The following MAST4 variants were observed in gnomAD, a reference collection of about 807,000 sequenced individuals.
MAST4 encodes microtubule-associated serine/threonine-protein kinase 4.
A neutral mutation model predicts 162.7 loss-of-function variants in MAST4; 89 were observed. That is an observed-to-expected ratio of 0.55 (90% CI 0.46 to 0.65). The LOEUF (loss-of-function observed/expected upper bound fraction) is 0.65. MAST4 is among the 30% of genes least tolerant of loss of function. The pLI, the probability that MAST4 is intolerant of heterozygous loss-of-function variation, is 0.00. For missense variants in MAST4, 3,153 were observed against 3,374.0 expected (o/e 0.93, Z 1.62); for synonymous variants, 1,479 against 1,361.1 (o/e 1.09, Z -1.91).
intron 1 of MAST4, among the ~76,000 whole-genome samples, chr5:66,751,035 C>G (rs895634041): frequency 3.4e-4 from 51 of 152,136 alleles, no homozygotes; most frequent in Middle Eastern, 6.9e-3. Context: ...AGCAGGGGCA[C>G]ACTGACATCT....
intron 5 of MAST4, among the ~76,000 whole-genome samples, chr5:67,082,591 T>G (rs983607991): frequency 2.0e-5 from 3 of 152,152 alleles, no homozygotes; most frequent in African/African-American, 4.8e-5. Flanking sequence ...TAAAGGACAT[T>G]ATTTGGACAA....
chr5:66,705,114 G>A (rs769350589), intron 1 of MAST4, among the ~76,000 whole-genome samples: 7 of 152,158 alleles, frequency 4.6e-5, no homozygotes, highest in Non-Finnish European at 1.0e-4. Context: ...GAAATGTCCC[G>A]TAAGCCATCT....
At chr5:67,158,439 G>A (rs545026966) in intron 26 of MAST4, among the ~76,000 whole-genome samples, 1 of 152,074 alleles carries the variant, frequency 6.6e-6, no homozygotes, top group African/African-American at 2.4e-5. Context: ...AGCCGTGGTT[G>A]TGTGCTCCCG....
intron 3 of MAST4, among the ~76,000 whole-genome samples, chr5:66,809,305 G>A (rs1322239862): frequency 6.6e-6 from 1 of 152,188 alleles, no homozygotes; most frequent in Non-Finnish European, 1.5e-5. Flanking sequence ...CTTGCCACAT[G>A]TCACTTTTCT....
In MAST4 at chr5:66,713,727, G is replaced by A. The variant is rs551140216; in HGVS notation, c.364-45982G>A. ...TGATGCTTTTATTAGTATATTAGTTGTCAGTATTTATCTCTTTCCGCAATG... is the reference window on the plus strand; with the variant it reads ...TGATGCTTTTATTAGTATATTAGTTATCAGTATTTATCTCTTTCCGCAATG... On this transcript the variant is annotated intron_variant, in intron 1 of 28. Transcript: ENST00000403625. Among the ~76,000 whole-genome samples, 9 of 152,238 alleles carry A rather than the reference G, an allele frequency of 5.9e-5. No individual in the cohort carries two copies. The South Asian group carries it at 1.9e-3, about 32-fold the overall frequency.
chr5:66,718,777 A>G (rs546836508), intron 1 of MAST4, among the ~76,000 whole-genome samples: 1 of 152,214 alleles, frequency 6.6e-6, no homozygotes, highest in Non-Finnish European at 1.5e-5. Flanking sequence ...TGTATCATGC[A>G]TTCGAGGGCT....
At chr5:66,892,072 C>G (rs759814177) in intron 3 of MAST4, among the ~76,000 whole-genome samples, 1 of 152,220 alleles carries the variant, frequency 6.6e-6, no homozygotes, top group Non-Finnish European at 1.5e-5. Context: ...AAGCCCTGAG[C>G]AAACATCATT....
intron 4 of MAST4, among the ~76,000 whole-genome samples, chr5:66,946,557 T>C (rs1301507902): frequency 6.6e-6 from 1 of 152,200 alleles, no homozygotes; most frequent in East Asian, 1.9e-4. Flanking sequence ...ATTCAGTATA[T>C]TGCTGCTCTG....
chr5:66,669,180 G>A (rs1032259579), intron 1 of MAST4, among the ~76,000 whole-genome samples: 3 of 152,142 alleles, frequency 2.0e-5, no homozygotes, highest in Non-Finnish European at 4.4e-5. Flanking sequence ...AGTTTTCAGG[G>A]AAGCTGAAAC....
chr5:66,932,258 G>A (rs1254438698), intron 4 of MAST4, among the ~76,000 whole-genome samples: 1 of 152,252 alleles, frequency 6.6e-6, no homozygotes, highest in Non-Finnish European at 1.5e-5. Context: ...TCCCAATTGG[G>A]CATGGAGAGA....
chr5:66,975,262 A>G (rs1301651621), intron 4 of MAST4, among the ~76,000 whole-genome samples: 1 of 152,140 alleles, frequency 6.6e-6, no homozygotes, highest in Non-Finnish European at 1.5e-5. Context: ...ATATATCTCT[A>G]TTGTTTTAAG....
chr5:66,953,631 AT>A (rs1425944559), intron 4 of MAST4, among the ~76,000 whole-genome samples: 2 of 152,110 alleles, frequency 1.3e-5, no homozygotes, highest in African/African-American at 4.8e-5. Flanking sequence ...CCGAGAAGAA[AT>A]GTGGCATGAG....
intron 3 of MAST4, among the ~76,000 whole-genome samples, chr5:66,800,542 G>C (rs913697859): frequency 4.6e-5 from 7 of 152,108 alleles, no homozygotes; most frequent in African/African-American, 1.7e-4. Context: ...GGGCCTGCTT[G>C]AGGGTGGAGG....
intron 1 of MAST4, among the ~76,000 whole-genome samples, chr5:66,664,775 G>A (rs529650075): frequency 2.3e-4 from 35 of 152,034 alleles, no homozygotes; most frequent in African/African-American, 8.0e-4. Context: ...TAAACTATCA[G>A]TATGTTCAAT....
At chr5:66,608,814 C>T (rs866616336) in intron 1 of MAST4, among the ~76,000 whole-genome samples, 40 of 69,524 alleles carry the variant, frequency 5.8e-4, no homozygotes, top group Non-Finnish European at 9.2e-4. Context: ...AAGCGGGGGG[C>T]GGGGGGGAGA....
chr5:66,744,189 T>C (rs1292119848), intron 1 of MAST4, among the ~76,000 whole-genome samples: 1 of 152,184 alleles, frequency 6.6e-6, no homozygotes, highest in African/African-American at 2.4e-5. Context: ...CTCTTACCAT[T>C]TGCCAGTTGC....
At chr5:67,156,292 A>G (rs1480729171) in intron 26 of MAST4, among the ~76,000 whole-genome samples, 1 of 152,172 alleles carries the variant, frequency 6.6e-6, no homozygotes, top group Non-Finnish European at 1.5e-5. Context: ...GGAGTATAAG[A>G]TGATTTGCAC....
chr5:67,032,722 A>G (rs1755504387), intron 4 of MAST4, among the ~76,000 whole-genome samples: 1 of 152,166 alleles, frequency 6.6e-6, no homozygotes, highest in Non-Finnish European at 1.5e-5. Flanking sequence ...ATGATTATTT[A>G]CCATAGACTT....
At chr5:67,154,576 C>A (rs1453995839) in intron 26 of MAST4, among the ~76,000 whole-genome samples, 1 of 152,164 alleles carries the variant, frequency 6.6e-6, no homozygotes, top group East Asian at 1.9e-4. Context: ...TCAGATGATC[C>A]CATTTCTATT....
Sources: allele counts gnomAD v4.1 joint callset (sites outside exome capture counted in the v4.1 genomes callset), GRCh38; gene constraint gnomAD v4.1.1; transcripts MANE v1.5; gene names NCBI Gene and HGNC (gene_info 2026-07-23, HGNC 2026-07-21).